TUSC3: variants seen among roughly 807,000 people sequenced by gnomAD.
The protein encoded by TUSC3 is dolichyl-diphosphooligosaccharide--protein glycosyltransferase subunit TUSC3.
TUSC3 carries 45 observed loss-of-function variants against 44.8 expected under a neutral mutation model. That is an observed-to-expected ratio of 1.00 (90% CI 0.79 to 1.29). TUSC3 has a LOEUF of 1.29. Among genes scored for constraint, TUSC3 ranks in the 50% most tolerant of loss-of-function variants. TUSC3 has a pLI of 0.00. For missense variants in TUSC3, 519 were observed against 437.9 expected (o/e 1.19, Z -1.65); for synonymous variants, 212 against 152.9 (o/e 1.39, Z -2.85).
chr8:15,546,610 A>C (rs892706581), intron 1 of TUSC3, among the ~76,000 whole-genome samples: 5 of 151,630 alleles, frequency 3.3e-5, no homozygotes, highest in African/African-American at 1.2e-4. Flanking sequence ...AACTTGGCTC[A>C]CTGCAACCTC....
At chr8:15,491,722 C>A (rs574767010) in intron 2 of TUSC3, among the ~76,000 whole-genome samples, 1 of 152,062 alleles carries the variant, frequency 6.6e-6, no homozygotes, top group African/African-American at 2.4e-5. Context: ...GAACCTTGTA[C>A]GATTTTTGTC....
the TUSC3 span, among the ~76,000 whole-genome samples, chr8:15,848,461 T>G: frequency 6.6e-6 from 1 of 152,304 alleles, no homozygotes; most frequent in South Asian, 2.1e-4. Flanking sequence ...CAGGCTGCTT[T>G]GTGGGATGCC....
At chr8:15,606,439 C>T (rs1256927721) in intron 1 of TUSC3, among the ~76,000 whole-genome samples, 1 of 152,010 alleles carries the variant, frequency 6.6e-6, no homozygotes, top group Non-Finnish European at 1.5e-5. Flanking sequence ...GGAGTGAACA[C>T]TTAACACGTG....
intron 9 of TUSC3, among the ~76,000 whole-genome samples, chr8:15,749,825 C>T (rs1811615732): frequency 6.9e-6 from 1 of 144,800 alleles, no homozygotes; most frequent in Admixed American, 7.1e-5. Context: ...ATAATGGAAA[C>T]TGTAAATTAA....
At chr8:15,449,875 G>C (rs779928184) in intron 1 of TUSC3, among the ~76,000 whole-genome samples, 3 of 151,610 alleles carry the variant, frequency 2.0e-5, no homozygotes, top group Non-Finnish European at 2.9e-5. Flanking sequence ...TTTATGTCTA[G>C]ATACATAAAT....
intron 1 of TUSC3, among the ~76,000 whole-genome samples, chr8:15,439,488 T>A (rs559290294): frequency 2.6e-5 from 4 of 152,100 alleles, no homozygotes; most frequent in African/African-American, 9.7e-5. Flanking sequence ...GCCTAGGAGG[T>A]TGAGGCTGAA....
chr8:15,550,881 A>C (rs1283283336), intron 1 of TUSC3, among the ~76,000 whole-genome samples: 1 of 151,690 alleles, frequency 6.6e-6, no homozygotes, highest in Admixed American at 6.6e-5. Context: ...CATGTTCGCC[A>C]TGCTGGCCTT....
intron 1 of TUSC3, among the ~76,000 whole-genome samples, chr8:15,572,892 C>T (rs1016869395): frequency 3.9e-5 from 6 of 151,974 alleles, no homozygotes; most frequent in Admixed American, 2.6e-4. Flanking sequence ...CCAAAACAAT[C>T]ACAAAAGTGA....
downstream of TUSC3, among the ~76,000 whole-genome samples, chr8:15,770,191 G>C (rs1188818949): frequency 4.6e-5 from 7 of 152,122 alleles, no homozygotes; most frequent in African/African-American, 1.7e-4. Context: ...ACTGGATAAA[G>C]AAAATGTGGC....
At chr8:15,488,605 A>G (rs949295347) in intron 2 of TUSC3, among the ~76,000 whole-genome samples, 1 of 152,174 alleles carries the variant, frequency 6.6e-6, no homozygotes, top group Non-Finnish European at 1.5e-5. Context: ...ATTTGGAGGT[A>G]GGTCCTTTGG....
intron 2 of TUSC3, among the ~76,000 whole-genome samples, chr8:15,504,649 G>GT (rs11434967): frequency 0.33 from 22,664 of 68,362 alleles, 6,021 homozygotes; most frequent in Non-Finnish European, 0.5. Context: ...TTTTAAGTGG[G>GT]TTTTTTTTTG....
At chr8:15,725,927 C>T (rs114696552) in intron 6 of TUSC3, among the ~76,000 whole-genome samples, 2,150 of 152,222 alleles carry the variant, frequency 0.014, 40 homozygotes, top group African/African-American at 0.047. Flanking sequence ...GTAACAACTA[C>T]TTCATTAAAT....
At chr8:15,549,484 T>TTAG (rs1801983644) in intron 1 of TUSC3, among the ~76,000 whole-genome samples, 1 of 151,792 alleles carries the variant, frequency 6.6e-6, no homozygotes, top group Non-Finnish European at 1.5e-5. Flanking sequence ...ATGTACTTAC[T>TTAG]TATTTTTTTG....
the TUSC3 span, among the ~76,000 whole-genome samples, chr8:15,814,977 T>C: frequency 0.16 from 24,042 of 151,990 alleles, 2,358 homozygotes; most frequent in African/African-American, 0.28. Context: ...GTTTAGTTGA[T>C]AGGAAAATAC....
chr8:15,512,848 G>A (rs946341966), intron 2 of TUSC3, among the ~76,000 whole-genome samples: 23 of 131,796 alleles, frequency 1.7e-4, no homozygotes, highest in African/African-American at 7.6e-4. Flanking sequence ...ATATATTTGT[G>A]TGTGTGTGTA....
At chr8:15,446,752 AG>A (rs1318157434) in intron 1 of TUSC3, among the ~76,000 whole-genome samples, 1 of 55,126 alleles carries the variant, frequency 1.8e-5, no homozygotes, top group Non-Finnish European at 3.3e-5. Context: ...GGGAGGGGGG[AG>A]GGGGAGGGAG....
At chr8:15,464,396 T>G (rs1219992067) in intron 1 of TUSC3, among the ~76,000 whole-genome samples, 1 of 152,192 alleles carries the variant, frequency 6.6e-6, no homozygotes, top group African/African-American at 2.4e-5. Flanking sequence ...ATTCATGGAT[T>G]CAACAAATAT....
chr8:15,684,581 C>G (rs1214784785), intron 6 of TUSC3, among the ~76,000 whole-genome samples: 1 of 152,142 alleles, frequency 6.6e-6, no homozygotes, highest in African/African-American at 2.4e-5. Flanking sequence ...GGGGAAGAAG[C>G]TGCAGCTGGC....
chr8:15,613,743 G>A (rs1475582898), intron 1 of TUSC3, among the ~76,000 whole-genome samples: 1 of 152,126 alleles, frequency 6.6e-6, no homozygotes, highest in Non-Finnish European at 1.5e-5. Context: ...TGTAAGAGTT[G>A]TATTATATTC....
Sources: gnomAD v4.1 joint callset for allele counts (sites outside exome capture counted in the v4.1 genomes callset) on GRCh38, gnomAD v4.1.1 for gene constraint, MANE v1.5 for transcripts, NCBI Gene and HGNC (gene_info 2026-07-23, HGNC 2026-07-21) for gene names.